Variants in XPO4 observed in about 807,000 individuals in gnomAD.
The protein encoded by XPO4 is exportin 4.
XPO4 carries 39 observed loss-of-function variants against 143.0 expected under a neutral mutation model. That is an observed-to-expected ratio of 0.27 (90% confidence interval 0.21 to 0.36). The LOEUF (loss-of-function observed/expected upper bound fraction) is 0.36, where lower values mean the gene tolerates loss of function less well. Among genes scored for constraint, XPO4 ranks in the 10% least tolerant of loss-of-function variants. XPO4 has a pLI of 1.00. For missense variants in XPO4, 907 were observed against 1,348.0 expected (o/e 0.67, Z 5.12); for synonymous variants, 439 against 474.0 (o/e 0.93, Z 0.96).
At chr13:20,810,273 C>T (rs1275004319) in intron 9 of XPO4, among the ~76,000 whole-genome samples, 2 of 152,068 alleles carry the variant, frequency 1.3e-5, no homozygotes, top group Non-Finnish European at 2.9e-5. Flanking sequence ...AAAATGTATA[C>T]ACCCTACGCA....
At chr13:20,870,089 C>CAAAAAAAAAAAAAAAAAAA (rs59710121) in intron 1 of XPO4, among the ~76,000 whole-genome samples, 89 of 98,880 alleles carry the variant, frequency 9.0e-4, no homozygotes, top group African/African-American at 3.9e-3. Flanking sequence ...GAAGGAGTCT[C>CAAAAAAAAAAAAAAAAAAA]AAAAAAAAAA....
chr13:20,844,065 T>C (rs1197989403), intron 4 of XPO4, among the ~76,000 whole-genome samples, 179 bp from the exon 5 acceptor site: 1 of 152,202 alleles, frequency 6.6e-6, no homozygotes, highest in Non-Finnish European at 1.5e-5. Context: ...TTAGCTCTCC[T>C]TTCTAAGTGG....
At chr13:20,797,698 G>A (rs148429067) in intron 16 of XPO4, among the ~76,000 whole-genome samples, 1 of 152,242 alleles carries the variant, frequency 6.6e-6, no homozygotes, top group East Asian at 1.9e-4. Context: ...GGGCCCTCTA[G>A]ACAAGGACTG....
At chr13:20,804,144 A>ATG (rs1356956186) in intron 13 of XPO4, among the ~76,000 whole-genome samples, 1 of 149,900 alleles carries the variant, frequency 6.7e-6, no homozygotes, top group Non-Finnish European at 1.5e-5. Context: ...CATACACTAT[A>ATG]TATATACACA....
At chr13:20,806,763 G>A (rs1265844674) in intron 13 of XPO4, among the ~76,000 whole-genome samples, 1 of 151,824 alleles carries the variant, frequency 6.6e-6, no homozygotes, top group Non-Finnish European at 1.5e-5. Flanking sequence ...ATGTTGGCCA[G>A]GAGGGTCTCA....
At chr13:20,880,984 AC>A (rs2060404065) in intron 1 of XPO4, among the ~76,000 whole-genome samples, 1 of 151,650 alleles carries the variant, frequency 6.6e-6, no homozygotes, top group African/African-American at 2.4e-5. Flanking sequence ...GGAATGAAGT[AC>A]TAAGATATAT....
At position 20,794,948 on chromosome 13, in the gene XPO4, T is replaced by C. The variant is rs114819290; in HGVS notation, c.2797+1128A>G. Among the ~76,000 whole-genome samples the C allele has an allele frequency of 3.4e-3, 503 of 149,920 alleles. 4 individuals are homozygous for C. Among genetic ancestry groups the C allele is most frequent in the African/African-American group, 0.012 (482 of 40,766 alleles). ...AAAATAAAGAGTAAACCTTCTACAC[T>C]GTGAAGTTGATGGTACCTAGCTCAG... On this transcript the variant is annotated intron_variant, in intron 18 of 22. Transcript: ENST00000255305.
rs1005410067 is a variant in XPO4 at position 20,843,991 on chromosome 13, T to C, written c.457-105A>G. 8 of 801,026 alleles carry C rather than the reference T, an allele frequency of 1.0e-5. No homozygotes were observed. The East Asian group carries it at 1.5e-4, about 15-fold the overall frequency. The allele number at this position is 801,026 out of a possible 1,614,324, so 49.6% of individuals were successfully genotyped here. Reference sequence around the variant, plus strand: ...AGAACATTTTCTCCCTAACTTTAGATCTTCCACTGTATCTTTAGATCTTAT... The same window carrying C: ...AGAACATTTTCTCCCTAACTTTAGACCTTCCACTGTATCTTTAGATCTTAT... On this transcript the variant is annotated intron_variant, in intron 4 of 22. Transcript: ENST00000255305.
chr13:20,891,134 A>T (rs1284460222), intron 1 of XPO4, among the ~76,000 whole-genome samples: 3 of 149,140 alleles, frequency 2.0e-5, no homozygotes, highest in African/African-American at 7.3e-5. Flanking sequence ...AAAAAAAAAA[A>T]AAAAAAAAAA....
intron 3 of XPO4, chr13:20,856,230 T>G (rs189696459): frequency 9.8e-4 from 621 of 635,042 alleles, no homozygotes; most frequent in Non-Finnish European, 1.1e-3. Context: ...ACTACTAATC[T>G]AATCCTAAAT....
chr13:20,862,796 G>C lies in XPO4; in HGVS notation c.238C>G (p.Arg80Gly). Residue 80 changes from arginine (R) to glycine (G), a missense_variant, in exon 3 of 23, where the codon CGA becomes GGA. Coordinates refer to ENST00000255305, the MANE Select transcript of XPO4 (RefSeq NM_022459.5). ...AATAIMEAVV[R>G]EWILLEKGSI... Reference sequence around the variant, plus strand: ...CCTTTTTCCAAGAGAATCCACTCTCGGACAACTGCTTCCATTATGGCTGTG... The same window carrying C: ...CCTTTTTCCAAGAGAATCCACTCTCCGACAACTGCTTCCATTATGGCTGTG... 3 of 1,614,080 alleles carry C rather than the reference G, an allele frequency of 1.9e-6. No homozygotes were observed. The highest frequency in any genetic ancestry group is 2.5e-6 in the Non-Finnish European group (3 of 1,180,010).
intron 1 of XPO4, among the ~76,000 whole-genome samples, chr13:20,884,512 C>G (rs988842463): frequency 1.3e-5 from 2 of 152,170 alleles, no homozygotes; most frequent in African/African-American, 4.8e-5. Context: ...CAGGCTCAAG[C>G]AGTCCTTCCA....
chr13:20,853,401 G>A (rs1158199170), intron 4 of XPO4, among the ~76,000 whole-genome samples: 3 of 150,416 alleles, frequency 2.0e-5, no homozygotes, highest in Admixed American at 6.6e-5. Context: ...CCAGCTACTC[G>A]AGAGGCTGAG....
intron 18 of XPO4, among the ~76,000 whole-genome samples, chr13:20,793,635 G>C (rs1052934122): frequency 2.6e-5 from 4 of 151,962 alleles, no homozygotes; most frequent in Non-Finnish European, 5.9e-5. Context: ...CTCACTGCAA[G>C]CTCCGCCTCC....
chr13:20,867,777 A>G (rs1404898181), intron 2 of XPO4, among the ~76,000 whole-genome samples: 1 of 152,228 alleles, frequency 6.6e-6, no homozygotes, highest in Non-Finnish European at 1.5e-5. Flanking sequence ...TCTAGTTCCT[A>G]ATACTCAACT....
chr13:20,820,589 A>G (rs1167513606), intron 9 of XPO4, among the ~76,000 whole-genome samples: 1 of 152,214 alleles, frequency 6.6e-6, no homozygotes, highest in Non-Finnish European at 1.5e-5. Context: ...AAATACTTAA[A>G]ATTACCCTGG....
intron 18 of XPO4, among the ~76,000 whole-genome samples, chr13:20,790,994 T>A (rs2059272487): frequency 6.6e-6 from 1 of 152,168 alleles, no homozygotes; most frequent in African/African-American, 2.4e-5. Context: ...TGTATAATAT[T>A]TCTAAGCTTA....
chr13:20,896,545 A>G (rs1173992006), intron 1 of XPO4, among the ~76,000 whole-genome samples: 1 of 152,228 alleles, frequency 6.6e-6, no homozygotes, highest in Non-Finnish European at 1.5e-5. Flanking sequence ...CACTGCTGAT[A>G]TAAAGGAAAT....
At chr13:20,872,275 T>C (rs2060306112) in intron 1 of XPO4, among the ~76,000 whole-genome samples, 1 of 152,214 alleles carries the variant, frequency 6.6e-6, no homozygotes, top group South Asian at 2.1e-4. Context: ...GCTTCCTTCA[T>C]CAACCTTCAC....
Sources: allele counts gnomAD v4.1 joint callset (sites outside exome capture counted in the v4.1 genomes callset), GRCh38; gene constraint gnomAD v4.1.1; transcripts MANE v1.5; gene names NCBI Gene and HGNC (gene_info 2026-07-23, HGNC 2026-07-21).